RBKS: variants seen among roughly 807,000 people sequenced by gnomAD.
RBKS encodes ribokinase.
Under a neutral mutation model 33.9 loss-of-function variants are expected in RBKS, and 33 were observed. The ratio of observed to expected loss-of-function variants is 0.97; its 90% CI spans 0.74 to 1.30. The LOEUF (loss-of-function observed/expected upper bound fraction) is 1.30, where lower values mean the gene tolerates loss of function less well. RBKS is among the 50% of genes most tolerant of loss of function. The pLI, the probability that RBKS is intolerant of heterozygous loss-of-function variation, is 0.00. For synonymous variants in RBKS, 125 were observed against 143.0 expected, an observed-to-expected ratio of 0.87 and a Z score of 0.90; for missense variants, 361 against 392.6, an observed-to-expected ratio of 0.92 and a Z score of 0.68.
In RBKS at chr2:27,827,642, T is replaced by A; in HGVS notation, c.720A>T (p.Gly240=). Residue 240 remains glycine, a synonymous_variant, in exon 7 of 8, where the codon GGA becomes GGT. Coordinates refer to ENST00000302188, the MANE Select transcript of RBKS (RefSeq NM_022128.3). ...GTTCTGTCTGTGACAGCACCACACA[T>A]CCTTCAGCCCCTAAGGTAATGATTA... ...QVVIITLGAE[G]CVVLSQTEPE... 7 of 1,613,906 alleles carry A rather than the reference T, an allele frequency of 4.3e-6. No homozygotes were observed. The highest frequency in any genetic ancestry group is 5.9e-6 in the Non-Finnish European group (7 of 1,179,912).
intron 1 of RBKS, among the ~76,000 whole-genome samples, chr2:27,880,636 C>T (rs1368811019): frequency 6.6e-6 from 1 of 152,020 alleles, no homozygotes; most frequent in Admixed American, 6.6e-5. Context: ...AAGCCAAAGC[C>T]TAATTAAGAA....
intron 7 of RBKS, among the ~76,000 whole-genome samples, chr2:27,789,975 A>ATATATG (rs1677489768): frequency 7.6e-6 from 1 of 131,784 alleles, no homozygotes; most frequent in African/African-American, 3.0e-5. Context: ...ATATATATGT[A>ATATATG]TATATATATG....
intron 1 of RBKS, among the ~76,000 whole-genome samples, chr2:27,883,327 G>C (rs560584143): frequency 6.6e-6 from 1 of 152,154 alleles, no homozygotes; most frequent in Admixed American, 6.5e-5. Flanking sequence ...AGCCTCCCGA[G>C]TAGCTGGGAC....
At chr2:27,827,525 A>G in intron 7 of RBKS, 42 bp downstream of exon 7, 1 of 1,478,806 alleles carries the variant, frequency 6.8e-7, no homozygotes, top group East Asian at 2.5e-5. Flanking sequence ...CTAAGTAACA[A>G]TTTTCAAAGG....
In RBKS at chr2:27,817,252, T is replaced by A. The variant is rs1573045794; in HGVS notation, c.795+10315A>T. Among the ~76,000 whole-genome samples the A allele has an allele frequency of 2.0e-5, 3 of 152,214 alleles. No individual in the cohort carries two copies. The East Asian group carries it at 5.8e-4, about 29-fold the overall frequency. On this transcript the variant is annotated intron_variant, in intron 7 of 7. Coordinates refer to ENST00000302188, the MANE Select transcript of RBKS (RefSeq NM_022128.3). ...GAGTTTGCCTCAACTAAAAAGCTGG[T>A]TTGTGAATGTTAAAAAAGAAGAATC...
At chr2:27,807,279 A>G (rs1037285922) in intron 7 of RBKS, among the ~76,000 whole-genome samples, 3 of 152,222 alleles carry the variant, frequency 2.0e-5, no homozygotes, top group African/African-American at 7.2e-5. Flanking sequence ...TCAGCTTAGG[A>G]AAAAAGAAAC....
At chr2:27,806,384 A>C (rs1163362232) in intron 7 of RBKS, among the ~76,000 whole-genome samples, 1 of 152,230 alleles carries the variant, frequency 6.6e-6, no homozygotes, top group Non-Finnish European at 1.5e-5. Context: ...TTTCCCTGAC[A>C]TAATGTTCAG....
At chr2:27,820,974 A>G (rs183949556) in intron 7 of RBKS, among the ~76,000 whole-genome samples, 1,833 of 138,492 alleles carry the variant, frequency 0.013, 47 homozygotes, top group African/African-American at 0.047. Context: ...GGGGAGGCAG[A>G]GGTTGCGGTG....
intron 7 of RBKS, among the ~76,000 whole-genome samples, chr2:27,824,647 A>G (rs753264614): frequency 6.6e-6 from 1 of 152,166 alleles, no homozygotes; most frequent in Non-Finnish European, 1.5e-5. Flanking sequence ...GGTTCTTTCC[A>G]ATTTTTGGCT....
Position 27,794,613 on chromosome 2 carries a change from CG to C in RBKS, c.796-12826del, listed in dbSNP as rs1352809161. Among the ~76,000 whole-genome samples, 8 of 140,090 alleles carry C rather than the reference CG, an allele frequency of 5.7e-5. No homozygotes were observed. The South Asian group carries it at 1.4e-3, about 25-fold the overall frequency. 91.9% of individuals were successfully genotyped at this position (140,090 alleles called of 152,430 possible). Reference sequence around the variant, plus strand: ...ATGAGAGGACTGGGAGGAACACTTTCGTTTTTTTTTCTTTTTTTTTTTTTTT... The same window carrying C: ...ATGAGAGGACTGGGAGGAACACTTTCTTTTTTTTTCTTTTTTTTTTTTTTT... On this transcript the variant is annotated intron_variant, in intron 7 of 7. Transcript: ENST00000302188.
At chr2:27,794,722 C>T (rs761266655) in intron 7 of RBKS, among the ~76,000 whole-genome samples, 3 of 150,714 alleles carry the variant, frequency 2.0e-5, no homozygotes, top group Non-Finnish European at 1.5e-5. Flanking sequence ...CTCCCGGGTT[C>T]AAGCAATTCT....
At chr2:27,789,894 GTA>G (rs1234810222) in intron 7 of RBKS, among the ~76,000 whole-genome samples, 3 of 140,806 alleles carry the variant, frequency 2.1e-5, no homozygotes, top group Admixed American at 2.1e-4. Context: ...GTGTGTGTGT[GTA>G]TAGAGTGTGT....
chr2:27,862,751 C>A (rs1664015889), intron 1 of RBKS, among the ~76,000 whole-genome samples: 1 of 152,098 alleles, frequency 6.6e-6, no homozygotes. Flanking sequence ...TTCTGTTAAA[C>A]CCAGACTAAG....
intron 2 of RBKS, among the ~76,000 whole-genome samples, chr2:27,854,754 T>C (rs918040011): frequency 1.3e-4 from 20 of 152,008 alleles, no homozygotes; most frequent in African/African-American, 4.3e-4. Context: ...CTTTTTCTTT[T>C]TTTTTTTTTT....
intron 7 of RBKS, among the ~76,000 whole-genome samples, chr2:27,798,069 T>C (rs998647912): frequency 6.6e-6 from 1 of 151,994 alleles, no homozygotes; most frequent in Non-Finnish European, 1.5e-5. Flanking sequence ...TGAGACTTGG[T>C]AATGGTTCAT....
intron 7 of RBKS, among the ~76,000 whole-genome samples, chr2:27,789,103 C>T (rs1677459834): frequency 6.6e-6 from 1 of 152,142 alleles, no homozygotes; most frequent in African/African-American, 2.4e-5. Flanking sequence ...CAGAGAGATA[C>T]TGACATAAGG....
intron 5 of RBKS, among the ~76,000 whole-genome samples, chr2:27,834,364 C>G (rs1182779697): frequency 6.6e-6 from 1 of 152,172 alleles, no homozygotes; most frequent in Non-Finnish European, 1.5e-5. Context: ...TTTGGCTGCT[C>G]AGATTTTTGT....
At chr2:27,860,900 G>C (rs1279896986) in intron 1 of RBKS, among the ~76,000 whole-genome samples, 2 of 152,096 alleles carry the variant, frequency 1.3e-5, no homozygotes, top group Non-Finnish European at 2.9e-5. Context: ...TTGACACGAG[G>C]TTAACAGATA....
At chr2:27,875,039 C>A (rs986779259) in intron 1 of RBKS, among the ~76,000 whole-genome samples, 1 of 152,174 alleles carries the variant, frequency 6.6e-6, no homozygotes, top group African/African-American at 2.4e-5. Context: ...CCATGGCTGG[C>A]AACTCACAAA....
Sources: allele counts gnomAD v4.1 joint callset (sites outside exome capture counted in the v4.1 genomes callset), GRCh38; gene constraint gnomAD v4.1.1; transcripts MANE v1.5; gene names NCBI Gene and HGNC (gene_info 2026-07-23, HGNC 2026-07-21).